CENPF: variants seen among roughly 807,000 people sequenced by gnomAD.
CENPF encodes the protein AH antigen.
In CENPF, 214 loss-of-function variants were observed where a neutral mutation model predicts 307.3. That is an observed-to-expected ratio of 0.70 (90% confidence interval 0.62 to 0.78). The LOEUF (loss-of-function observed/expected upper bound fraction) is 0.78. Among genes scored for constraint, CENPF ranks in the 30% least tolerant of loss-of-function variants. CENPF has a pLI of 0.00. For missense variants in CENPF, 3,401 were observed against 3,483.9 expected (o/e 0.98, Z 0.60); for synonymous variants, 1,259 against 1,270.6 (o/e 0.99, Z 0.19).
In CENPF at chr1:214,622,278, C is replaced by G. The variant is rs1657529486; in HGVS notation, c.1065C>G (p.Thr355=). The change falls in exon 7 of 20, where the codon ACC becomes ACG. Residue 355 remains threonine, a synonymous_variant. Coordinates refer to ENST00000366955, the MANE Select transcript of CENPF (RefSeq NM_016343.4). ...CAGCACAATACGACCAGGCGTCAAC[C>G]AAGGTACTTGACTTTTCGTGAATTA... ...RTTAQYDQAS[T]KYTALEQKLK... The G allele has an allele frequency of 1.9e-6, 3 of 1,602,526 alleles. No individual in the cohort carries two copies. The highest frequency in any genetic ancestry group is 2.3e-5 in the South Asian group (2 of 88,192).
chr1:214,616,455 A>G (rs530108476), intron 3 of CENPF, among the ~76,000 whole-genome samples: 3 of 152,328 alleles, frequency 2.0e-5, no homozygotes, highest in Non-Finnish European at 4.4e-5. Flanking sequence ...TGTACTTCAA[A>G]TGTGGCTGGT....
intron 1 of CENPF, among the ~76,000 whole-genome samples, chr1:214,611,678 T>C (rs905832681): frequency 2.0e-5 from 3 of 152,372 alleles, no homozygotes. Context: ...CTAATTCTTA[T>C]TGTACAGATC....
chr1:214,637,831 GT>G (rs1558180886), intron 10 of CENPF, 34 bp from the exon 11 acceptor site: 1 of 1,584,604 alleles, frequency 6.3e-7, no homozygotes, highest in Non-Finnish European at 8.5e-7. Flanking sequence ...TTGAGCATTC[GT>G]TTTGGCTATA....
intron 16 of CENPF, 91 bp downstream of exon 16, chr1:214,653,080 A>G (rs761617201): frequency 7.8e-7 from 1 of 1,276,648 alleles, no homozygotes; most frequent in East Asian, 2.4e-5. Context: ...TTTCATTTTC[A>G]TTTTATGAAA....
At chr1:214,616,594 G>A (rs1012925039) in intron 3 of CENPF, among the ~76,000 whole-genome samples, 2 of 151,816 alleles carry the variant, frequency 1.3e-5, no homozygotes, top group African/African-American at 2.4e-5. Context: ...CTTGAAAATA[G>A]CAAGTTAAAT....
At chr1:214,636,565 A>T (rs1334915981) in intron 10 of CENPF, among the ~76,000 whole-genome samples, 1 of 152,174 alleles carries the variant, frequency 6.6e-6, no homozygotes. Flanking sequence ...CAAGTTTTCA[A>T]GTACTTTCTA....
intron 1 of CENPF, among the ~76,000 whole-genome samples, chr1:214,607,849 C>T (rs898060002): frequency 1.5e-4 from 23 of 152,174 alleles, no homozygotes; most frequent in Non-Finnish European, 2.9e-4. Flanking sequence ...ACCCTGCAGG[C>T]CCTGCCCCAG....
At position 214,663,525 on chromosome 1, in the gene CENPF, C is replaced by T. The variant is rs535127514; in HGVS notation, c.9142-66C>T. The T allele has an allele frequency of 1.3e-4, 193 of 1,482,404 alleles. No homozygotes were observed. The African/African-American group carries it at 2.2e-3, about 17-fold the overall frequency. The allele number at this position is 1,482,404 out of a possible 1,614,324, so 91.8% of individuals were successfully genotyped here. A position where few individuals can be genotyped will look rare whatever the true frequency, so the allele number is the denominator to read the frequency against. ...TAATTTAAAACTTAGTGACATAGTG[C>T]TTTATTTTTCATGTTGTGGAAATGT... On this transcript the variant is annotated intron_variant, in intron 19 of 19. Transcript: ENST00000366955.
At chr1:214,636,096 C>T (rs939140384) in intron 10 of CENPF, among the ~76,000 whole-genome samples, 22 of 152,124 alleles carry the variant, frequency 1.4e-4, no homozygotes, top group African/African-American at 5.3e-4. Flanking sequence ...CCTCATTCAG[C>T]TGATCTTAGC....
In CENPF at chr1:214,646,173, T is replaced by G. The variant is rs528730277; in HGVS notation, c.6603T>G (p.Phe2201Leu). Reference sequence around the variant, plus strand: ...AGATGGCCAGAAGCCTGAAAGTTTTTGAATTAGACCTTGTCACGTTAAGGT... The same window carrying G: ...AGATGGCCAGAAGCCTGAAAGTTTTGGAATTAGACCTTGTCACGTTAAGGT... The part of the protein sequence containing the change: ...IEEMARSLKV[F>L]ELDLVTLRSE... Residue 2201 changes from phenylalanine (F) to leucine (L), a missense_variant, in exon 13 of 20, where the codon TTT (phenylalanine) becomes TTG (leucine). Transcript: ENST00000366955. The G allele has an allele frequency of 6.2e-7, 1 of 1,613,200 alleles. No homozygotes were observed. Among genetic ancestry groups the G allele is most frequent in the East Asian group, 2.2e-5 (1 of 44,868 alleles).
At chr1:214,622,748 C>T (rs1657549050) in intron 7 of CENPF, among the ~76,000 whole-genome samples, 1 of 119,442 alleles carries the variant, frequency 8.4e-6, no homozygotes, top group Non-Finnish European at 1.6e-5. Flanking sequence ...GAAAAAAGAT[C>T]GTATATATAG....
chr1:214,655,463 T>C (rs879140698), intron 17 of CENPF, 60 bp downstream of exon 17: 2 of 1,437,022 alleles, frequency 1.4e-6, no homozygotes, highest in Non-Finnish European at 1.9e-6. Flanking sequence ...TGAAATAACA[T>C]ATGGTATGCG....
Position 214,652,919 on chromosome 1 carries a change from C to A in CENPF, c.8252C>A (p.Ser2751Tyr). ...AAGCTGGAGATAGACCTTTTAAAGT[C>A]TAGTAAAGAAGAGCTCAATAATTCA... ...SQKLEIDLLK[S>Y]SKEELNNSLK... The change falls in exon 16 of 20, where the codon TCT (serine) becomes TAT (tyrosine). Residue 2751 changes from serine to tyrosine, a missense_variant. By Grantham distance (144) the Ser-to-Tyr change is moderately radical (BLOSUM62 -2). Coordinates refer to ENST00000366955, the MANE Select transcript of CENPF (RefSeq NM_016343.4). 1 of 1,607,912 alleles carries A rather than the reference C, an allele frequency of 6.2e-7. No individual in the cohort carries two copies. The highest frequency in any genetic ancestry group is 1.1e-5 in the South Asian group (1 of 89,374).
At chr1:214,625,459 A>G (rs6540853) in intron 7 of CENPF, among the ~76,000 whole-genome samples, 93,428 of 151,942 alleles carry the variant, frequency 0.61, 29,358 homozygotes, top group African/African-American at 0.72. Flanking sequence ...GACCTCAGGT[A>G]ATCCACCCGC....
Position 214,663,381 on chromosome 1 carries a change from C to T in CENPF, c.9142-210C>T, listed in dbSNP as rs116453535. On this transcript the variant is annotated intron_variant, in intron 19 of 19. Transcript: ENST00000366955. The stretch of plus-strand genomic sequence containing the variant: ...CTTTGCCATCAGAGGTGCCAAGGGA[C>T]GTCTGATGACTGGTTAGAGGTTGTA... 2.0e-3 allele frequency among the ~76,000 whole-genome samples: 305 copies of T among 152,244 alleles called. 3 individuals carry two copies. Among genetic ancestry groups the T allele is most frequent in the Admixed American group, 2.9e-3 (45 of 15,298 alleles).
chr1:214,631,202 C>T (rs897141576), intron 9 of CENPF, among the ~76,000 whole-genome samples: 7 of 152,154 alleles, frequency 4.6e-5, no homozygotes, highest in Non-Finnish European at 1.5e-5. Flanking sequence ...AACTGTTCCT[C>T]CCTTAGTCTT....
intron 1 of CENPF, among the ~76,000 whole-genome samples, chr1:214,609,964 G>GC (rs1657155157): frequency 6.7e-6 from 1 of 149,744 alleles, no homozygotes; most frequent in African/African-American, 2.4e-5. Context: ...TAGATTGATT[G>GC]CATGTCTTTG....
chr1:214,630,137 G>T (rs1391460123), intron 8 of CENPF, among the ~76,000 whole-genome samples: 2 of 142,238 alleles, frequency 1.4e-5, no homozygotes, highest in African/African-American at 6.2e-5. Context: ...CCCATTTAAA[G>T]TGGTATACAG....
rs1657262384 is a variant in CENPF at position 214,613,808 on chromosome 1, G to A, written c.54G>A (p.Gln18=). The change falls in exon 2 of 20, where the codon CAG becomes CAA. Residue 18 remains glutamine, a synonymous_variant. Coordinates refer to ENST00000366955, the MANE Select transcript of CENPF (RefSeq NM_016343.4). ...WKEGLPTRAL[Q]KIQELEGQLD... ...AAGGGCTGCCTACAAGAGCTCTTCA[G>A]AAAATTCAAGAGCTTGAAGGACAGC... 6.2e-7 allele frequency: 1 copy of A among 1,613,608 alleles called. No homozygotes were observed. The highest frequency in any genetic ancestry group is 8.5e-7 in the Non-Finnish European group (1 of 1,179,824).
Sources: gnomAD v4.1 joint callset for allele counts (sites outside exome capture counted in the v4.1 genomes callset) on GRCh38, gnomAD v4.1.1 for gene constraint, MANE v1.5 for transcripts, NCBI Gene and HGNC (gene_info 2026-07-23, HGNC 2026-07-21) for gene names.